KLRG1: variants seen among roughly 807,000 people sequenced by gnomAD.
KLRG1 encodes killer cell lectin-like receptor subfamily G member 1.
KLRG1 carries 16 observed loss-of-function variants against 21.8 expected under a neutral mutation model. The ratio of observed to expected loss-of-function variants is 0.73; its 90% CI spans 0.50 to 1.11. The LOEUF is 1.11. Among genes scored for constraint, KLRG1 ranks in the 50% most tolerant of loss-of-function variants. The pLI is 0.00. For synonymous variants in KLRG1, 69 were observed against 75.9 expected (o/e 0.91, Z 0.47); for missense variants, 173 against 218.3 (o/e 0.79, Z 1.31).
the KLRG1 span, among the ~76,000 whole-genome samples, chr12:9,035,883 C>A: frequency 2.0e-5 from 3 of 152,254 alleles, no homozygotes; most frequent in South Asian, 4.1e-4. Flanking sequence ...CCTAAGTGAA[C>A]CAATGTAGGA....
At chr12:9,183,810 T>G in the KLRG1 span, among the ~76,000 whole-genome samples, 1 of 152,230 alleles carries the variant, frequency 6.6e-6, no homozygotes, top group Non-Finnish European at 1.5e-5. Context: ...TGACTTTAGC[T>G]TAACATTACT....
At chr12:8,979,815 C>T (rs1342144760) in intron 1 of KLRG1, among the ~76,000 whole-genome samples, 2 of 151,894 alleles carry the variant, frequency 1.3e-5, no homozygotes, top group African/African-American at 2.4e-5. Flanking sequence ...AATCTTTCTT[C>T]TTTTGATCAA....
At chr12:9,188,140 A>T in the KLRG1 span, among the ~76,000 whole-genome samples, 1 of 152,214 alleles carries the variant, frequency 6.6e-6, no homozygotes, top group South Asian at 2.1e-4. Context: ...ATACTGGTAA[A>T]CTGAATCCAG....
intron 1 of KLRG1, among the ~76,000 whole-genome samples, chr12:8,967,926 G>A (rs1405272030): frequency 6.8e-6 from 1 of 147,388 alleles, no homozygotes; most frequent in Non-Finnish European, 1.5e-5. Flanking sequence ...AATCATAACA[G>A]AAAGAAAAGA....
At chr12:9,197,110 T>C in the KLRG1 span, 1 of 1,610,096 alleles carries the variant, frequency 6.2e-7, no homozygotes. Flanking sequence ...GGGACAGGCT[T>C]CCCATAAGTG....
At chr12:9,027,503 C>A in the KLRG1 span, 1 of 1,095,926 alleles carries the variant, frequency 9.1e-7, no homozygotes, top group Admixed American at 1.8e-5. Flanking sequence ...TGGCTCTCTT[C>A]TCCTGCTAAG....
chr12:9,093,852 C>G, the KLRG1 span, among the ~76,000 whole-genome samples: 29 of 149,114 alleles, frequency 1.9e-4, 1 homozygote, highest in African/African-American at 7.3e-4. Context: ...CCACTGCACT[C>G]CAGCCTGGGC....
At chr12:9,062,525 T>C in the KLRG1 span, among the ~76,000 whole-genome samples, 781 of 147,508 alleles carry the variant, frequency 5.3e-3, 1 homozygote, top group Non-Finnish European at 8.3e-3. Context: ...AGATGGATAA[T>C]ATATCTGATA....
the KLRG1 span, among the ~76,000 whole-genome samples, chr12:9,207,394 A>G: frequency 6.6e-6 from 1 of 152,236 alleles, no homozygotes; most frequent in Non-Finnish European, 1.5e-5. Context: ...CAGCTGGGTT[A>G]AGGCCAGGGA....
At chr12:9,182,015 T>C in the KLRG1 span, 9 of 1,613,696 alleles carry the variant, frequency 5.6e-6, no homozygotes, top group Non-Finnish European at 7.6e-6. Flanking sequence ...TTTTTCAGAG[T>C]CTCCAACAAC....
chr12:9,028,876 G>A, the KLRG1 span: 7 of 640,522 alleles, frequency 1.1e-5, no homozygotes, highest in East Asian at 3.5e-5. Context: ...CCTTGCATTC[G>A]TGGCCGCATC....
the KLRG1 span, among the ~76,000 whole-genome samples, chr12:9,209,476 T>A: frequency 6.6e-6 from 1 of 152,070 alleles, no homozygotes; most frequent in Non-Finnish European, 1.5e-5. Flanking sequence ...TAAAAGACAC[T>A]CGTACCTTAC....
At chr12:8,955,107 G>C (rs950543092) in intron 1 of KLRG1, among the ~76,000 whole-genome samples, 1 of 151,948 alleles carries the variant, frequency 6.6e-6, no homozygotes, top group African/African-American at 2.4e-5. Flanking sequence ...AGTAGAGATG[G>C]GGTTTCACCA....
the KLRG1 span, among the ~76,000 whole-genome samples, chr12:9,059,319 T>C: frequency 6.6e-6 from 1 of 152,168 alleles, no homozygotes; most frequent in Non-Finnish European, 1.5e-5. Flanking sequence ...TACCCATGTG[T>C]AATATTTTTA....
chr12:8,988,044 A>C (rs932053085), upstream of KLRG1, among the ~76,000 whole-genome samples: 1 of 152,164 alleles, frequency 6.6e-6, no homozygotes, highest in Admixed American at 6.5e-5. Flanking sequence ...CCCTGCAGGA[A>C]CTATCTCAGC....
At chr12:9,179,026 T>G in the KLRG1 span, among the ~76,000 whole-genome samples, 1 of 152,218 alleles carries the variant, frequency 6.6e-6, no homozygotes, top group Admixed American at 6.5e-5. Context: ...GATAAGTTGA[T>G]TGACCCTTTT....
intron 1 of KLRG1, among the ~76,000 whole-genome samples, chr12:8,972,844 A>G (rs1946593469): frequency 6.6e-6 from 1 of 152,108 alleles, no homozygotes; most frequent in Non-Finnish European, 1.5e-5. Context: ...CTATTCTATA[A>G]AGAATGCCAC....
chr12:9,162,658 A>G, the KLRG1 span: 1 of 1,572,318 alleles, frequency 6.4e-7, no homozygotes, highest in Non-Finnish European at 8.7e-7. Flanking sequence ...CCTTGGATGA[A>G]AGGAAAGAAA....
chr12:9,105,252 A>G, the KLRG1 span, among the ~76,000 whole-genome samples: 2 of 152,230 alleles, frequency 1.3e-5, no homozygotes, highest in Non-Finnish European at 2.9e-5. Flanking sequence ...TGTTGGCTGC[A>G]TGTACAAAGA....
Sources: gnomAD v4.1 joint callset for allele counts (sites outside exome capture counted in the v4.1 genomes callset) on GRCh38, gnomAD v4.1.1 for gene constraint, MANE v1.5 for transcripts, NCBI Gene and HGNC (gene_info 2026-07-23, HGNC 2026-07-21) for gene names.